DAB1: variants seen among roughly 807,000 people sequenced by gnomAD.
DAB1 encodes the protein disabled homolog 1.
DAB1 carries 15 observed loss-of-function variants against 64.6 expected under a neutral mutation model. The observed-to-expected ratio is 0.23, with a 90% CI of 0.16 to 0.36. The LOEUF (loss-of-function observed/expected upper bound fraction) is 0.36. Among genes scored for constraint, DAB1 ranks in the 10% least tolerant of loss-of-function variants. The pLI is 1.00. For missense variants in DAB1, 596 were observed against 706.7 expected (o/e 0.84, Z 1.78); for synonymous variants, 235 against 251.9 (o/e 0.93, Z 0.64).
Position 57,178,738 on chromosome 1 carries a change from A to T in DAB1, c.68-33309T>A, listed in dbSNP as rs558396188. The stretch of plus-strand genomic sequence containing the variant: ...TCTGTGTTCATTTATAATTACTCCG[A>T]GGTTAACCATTTATGTTTTATTCAA... On this transcript the variant is annotated intron_variant, in intron 2 of 14. Coordinates refer to ENST00000371236, the MANE Select transcript of DAB1 (RefSeq NM_001365792.1). Among the ~76,000 whole-genome samples the T allele has an allele frequency of 6.6e-5, 10 of 152,206 alleles. No homozygotes were observed. The South Asian group carries it at 1.7e-3, about 25-fold the overall frequency.
At chr1:57,775,618 C>T (rs1480841429) in intron 6 of DAB1, among the ~76,000 whole-genome samples, 1 of 151,476 alleles carries the variant, frequency 6.6e-6, no homozygotes, top group Non-Finnish European at 1.5e-5. Flanking sequence ...TTTTATGGCT[C>T]TGCATAAGTT....
chr1:57,363,493 A>G (rs1409382654), intron 1 of DAB1, among the ~76,000 whole-genome samples: 3 of 151,834 alleles, frequency 2.0e-5, no homozygotes, highest in Non-Finnish European at 4.4e-5. Context: ...CTGTGCCTCA[A>G]TTCCCTACAC....
intron 3 of DAB1, among the ~76,000 whole-genome samples, chr1:58,356,952 G>A (rs1403013119): frequency 1.3e-5 from 2 of 149,688 alleles, no homozygotes; most frequent in African/African-American, 4.9e-5. Flanking sequence ...TTTGTGCCCA[G>A]GGAGTTGAGG....
At chr1:57,045,833 T>C (rs1461136367) in intron 9 of DAB1, among the ~76,000 whole-genome samples, 1 of 152,154 alleles carries the variant, frequency 6.6e-6, no homozygotes, top group Non-Finnish European at 1.5e-5. Context: ...GAGAGAAACA[T>C]AACGATATGC....
chr1:57,551,044 C>A (rs1218581162), intron 7 of DAB1, among the ~76,000 whole-genome samples: 1 of 152,142 alleles, frequency 6.6e-6, no homozygotes. Context: ...CAAAATTACA[C>A]CAAGTAGTGA....
intron 3 of DAB1, among the ~76,000 whole-genome samples, chr1:58,459,487 G>A (rs1346566351): frequency 6.6e-6 from 1 of 152,122 alleles, no homozygotes; most frequent in Non-Finnish European, 1.5e-5. Context: ...TTTACCACAT[G>A]GGCGTCTACA....
chr1:57,336,284 T>G (rs1677071106), intron 1 of DAB1, among the ~76,000 whole-genome samples: 1 of 152,204 alleles, frequency 6.6e-6, no homozygotes, highest in African/African-American at 2.4e-5. Context: ...ACACGACTAA[T>G]CCAAGAAGAA....
chr1:57,501,393 G>C (rs74074751), intron 7 of DAB1, among the ~76,000 whole-genome samples: 9,812 of 152,208 alleles, frequency 0.064, 336 homozygotes, highest in South Asian at 0.094. Context: ...GAAAGCACCT[G>C]CCTGAGTGAG....
chr1:57,521,839 G>T (rs1056718432), intron 7 of DAB1, among the ~76,000 whole-genome samples: 6 of 152,166 alleles, frequency 3.9e-5, no homozygotes, highest in Non-Finnish European at 2.9e-5. Context: ...GCCGGGCGTG[G>T]TGGCTCATGC....
chr1:57,706,963 A>C (rs1646974335), intron 6 of DAB1, among the ~76,000 whole-genome samples: 1 of 152,032 alleles, frequency 6.6e-6, no homozygotes, highest in South Asian at 2.1e-4. Context: ...AATTGCAGCT[A>C]TTCAGGAGGC....
At chr1:58,102,192 T>A (rs949452038) in intron 5 of DAB1, among the ~76,000 whole-genome samples, 7 of 152,222 alleles carry the variant, frequency 4.6e-5, no homozygotes, top group African/African-American at 1.7e-4. Flanking sequence ...GTTATTGGGC[T>A]CCAAGGCCCT....
intron 5 of DAB1, among the ~76,000 whole-genome samples, chr1:57,902,024 G>GCACA (rs1463251519): frequency 6.6e-6 from 1 of 151,996 alleles, no homozygotes; most frequent in African/African-American, 2.4e-5. Context: ...GCATGGTAGT[G>GCACA]CACATCTGTG....
intron 1 of DAB1, among the ~76,000 whole-genome samples, chr1:57,833,179 G>A (rs747787606): frequency 2.6e-5 from 4 of 151,852 alleles, no homozygotes; most frequent in Non-Finnish European, 5.9e-5. Flanking sequence ...GCCTATTATC[G>A]GTGGTGAATC....
chr1:58,367,636 G>A (rs1569690993), intron 3 of DAB1, among the ~76,000 whole-genome samples: 2 of 152,216 alleles, frequency 1.3e-5, no homozygotes, highest in East Asian at 3.9e-4. Context: ...TAACCTAGAG[G>A]GGGAAGTTAT....
chr1:57,878,769 T>C (rs1644095018), intron 1 of DAB1: 1 of 152,168 alleles, frequency 6.6e-6, no homozygotes, highest in Non-Finnish European at 1.5e-5. Flanking sequence ...ACACTAGAAC[T>C]TTTTTCTCCT....
chr1:57,346,993 C>A (rs1035614575), intron 1 of DAB1, among the ~76,000 whole-genome samples: 4 of 152,112 alleles, frequency 2.6e-5, no homozygotes, highest in Non-Finnish European at 5.9e-5. Flanking sequence ...GTGGAGAAAA[C>A]CAACAAATAA....
chr1:58,095,062 G>T (rs934014648), intron 5 of DAB1, among the ~76,000 whole-genome samples: 3 of 152,164 alleles, frequency 2.0e-5, no homozygotes, highest in African/African-American at 4.8e-5. Context: ...AAAAATAGGC[G>T]CTGGGTGGAA....
intron 7 of DAB1, among the ~76,000 whole-genome samples, chr1:57,622,399 A>G (rs1645870746): frequency 6.6e-6 from 1 of 152,224 alleles, no homozygotes; most frequent in Non-Finnish European, 1.5e-5. Context: ...AGGCTGCACT[A>G]TTAGCTGTAT....
At chr1:57,176,827 T>C (rs1352229839) in intron 2 of DAB1, among the ~76,000 whole-genome samples, 3 of 151,870 alleles carry the variant, frequency 2.0e-5, no homozygotes, top group African/African-American at 7.3e-5. Context: ...AGGGGCAGGA[T>C]GAGGAAGCGG....
Sources: allele counts gnomAD v4.1 joint callset (sites outside exome capture counted in the v4.1 genomes callset), GRCh38; gene constraint gnomAD v4.1.1; transcripts MANE v1.5; gene names NCBI Gene and HGNC (gene_info 2026-07-23, HGNC 2026-07-21).